The following INO80 variants were observed in gnomAD, a reference collection of about 807,000 sequenced individuals.
The protein encoded by INO80 is INO80 complex ATPase subunit, also known as chromatin-remodeling ATPase INO80.
Under a neutral mutation model 203.4 loss-of-function variants are expected in INO80, and 20 were observed. That is an observed-to-expected ratio of 0.10 (90% CI 0.07 to 0.14). INO80 has a LOEUF of 0.14. Ranked by LOEUF, INO80 falls within the 10% of genes least tolerant of loss-of-function variation. The pLI is 1.00. For missense variants in INO80, 1,419 were observed against 1,914.4 expected (o/e 0.74, Z 4.83); for synonymous variants, 726 against 685.2 (o/e 1.06, Z -0.93).
At position 40,979,084 on chromosome 15, in the gene INO80, T is replaced by G. The variant is rs1893710455; in HGVS notation, c.*1139A>C. On this transcript the variant is annotated 3_prime_UTR_variant, in exon 36 of 36. Transcript: ENST00000648947. ...GTTTGAGCAGGGGAATCTTAATGAT[T>G]TAAATTAAATGATTCCCCTATACCC... is the stretch of plus-strand genomic sequence containing the variant. 6.6e-6 allele frequency: 1 copy of G among 152,552 alleles called. No homozygotes were observed. Among genetic ancestry groups the G allele is most frequent in the African/African-American group, 2.4e-5 (1 of 41,428 alleles). 9.4% of individuals were successfully genotyped at this position (152,552 alleles called of 1,614,324 possible). A position where few individuals can be genotyped will look rare whatever the true frequency, so the allele number is the denominator to read the frequency against.
intron 1 of INO80, among the ~76,000 whole-genome samples, chr15:41,107,708 G>T (rs1242868633): frequency 6.6e-6 from 1 of 152,134 alleles, no homozygotes; most frequent in Non-Finnish European, 1.5e-5. Flanking sequence ...GCTAAGACAG[G>T]AGAATTGCTT....
At chr15:41,105,883 T>C (rs890505883) in intron 1 of INO80, among the ~76,000 whole-genome samples, 1 of 152,200 alleles carries the variant, frequency 6.6e-6, no homozygotes, top group Non-Finnish European at 1.5e-5. Flanking sequence ...GTTCATCTTA[T>C]GTATATTTCC....
At chr15:40,985,253 G>A (rs1255102257) in intron 32 of INO80, 85 bp downstream of exon 32, 3 of 910,656 alleles carry the variant, frequency 3.3e-6, no homozygotes, top group African/African-American at 3.3e-5. Flanking sequence ...CAGTAACCAA[G>A]ATGAGAAGCC....
In INO80 at chr15:40,979,619, T is replaced by C. The variant is rs1172015615; in HGVS notation, c.*604A>G. ...AACCATGCAGGATGGGAGGAATTGC[T>C]GGGAACACAACTGCCTGTGGATAGA... On this transcript the variant is annotated 3_prime_UTR_variant, in exon 36 of 36. Coordinates refer to ENST00000648947, the MANE Select transcript of INO80 (RefSeq NM_017553.3). The C allele has an allele frequency of 1.3e-5, 2 of 155,268 alleles. No homozygotes were observed. The highest frequency in any genetic ancestry group is 4.8e-5 in the African/African-American group (2 of 41,458). The allele number at this position is 155,268 out of a possible 1,614,324, so 9.6% of individuals were successfully genotyped here. A position where few individuals can be genotyped will look rare whatever the true frequency, so the allele number is the denominator to read the frequency against.
intron 8 of INO80, among the ~76,000 whole-genome samples, 180 bp downstream of exon 8, chr15:41,080,840 C>G (rs2045474763): frequency 6.6e-6 from 1 of 152,042 alleles, no homozygotes; most frequent in African/African-American, 2.4e-5. Context: ...GTGGCTGAGA[C>G]TCTGTCTCAA....
At chr15:41,089,199 AAAAT>A (rs968916157) in intron 5 of INO80, among the ~76,000 whole-genome samples, 1 of 152,142 alleles carries the variant, frequency 6.6e-6, no homozygotes, top group Non-Finnish European at 1.5e-5. Flanking sequence ...AAATAAAACA[AAAAT>A]AAATAAAAAA....
At chr15:41,047,030 T>C (rs1389811264) in intron 23 of INO80, among the ~76,000 whole-genome samples, 1 of 150,742 alleles carries the variant, frequency 6.6e-6, no homozygotes, top group Non-Finnish European at 1.5e-5. Context: ...TGCAATGGCA[T>C]GATCTCAGCT....
At chr15:41,094,058 T>A (rs536683534) in intron 4 of INO80, among the ~76,000 whole-genome samples, 1 of 152,184 alleles carries the variant, frequency 6.6e-6, no homozygotes, top group Non-Finnish European at 1.5e-5. Context: ...TGCTTTTGAG[T>A]ACTTCATAGC....
chr15:41,054,150 C>G (rs749282202), intron 18 of INO80, 136 bp from the exon 19 acceptor site: 12 of 643,500 alleles, frequency 1.9e-5, no homozygotes, highest in Non-Finnish European at 2.6e-5. Flanking sequence ...CAGACTGAAA[C>G]TTTTTCCCAA....
chr15:40,984,180 T>A lies in INO80; in HGVS notation c.4077+17A>T, dbSNP rs1218695464. ...ACTCCTTACGGCTGTGATGCAGGCATCTAAAAGGAGCCTCACCTCACTGAA... is the reference window on the plus strand; with the variant it reads ...ACTCCTTACGGCTGTGATGCAGGCAACTAAAAGGAGCCTCACCTCACTGAA... On this transcript the variant is annotated intron_variant, in intron 33 of 35. Transcript: ENST00000648947. The A allele has an allele frequency of 6.2e-7, 1 of 1,611,706 alleles. No individual in the cohort carries two copies. Among genetic ancestry groups the A allele is most frequent in the Non-Finnish European group, 8.5e-7 (1 of 1,178,618 alleles).
intron 35 of INO80, among the ~76,000 whole-genome samples, chr15:40,981,844 C>G (rs1158969496): frequency 1.3e-5 from 2 of 152,248 alleles, no homozygotes; most frequent in Non-Finnish European, 2.9e-5. Context: ...ACAACCTTGA[C>G]TCCTACTGCT....
chr15:41,098,775 G>GT (rs2045762080), intron 1 of INO80, among the ~76,000 whole-genome samples: 1 of 152,118 alleles, frequency 6.6e-6, no homozygotes, highest in Admixed American at 6.6e-5. Flanking sequence ...TTGTTTGTCA[G>GT]TGTGTACACA....
rs368535813 is a variant in INO80 at position 41,051,128 on chromosome 15, C to CAAAAAAA, written c.2275-1033_2275-1027dup. Among the ~76,000 whole-genome samples, 111 of 78,504 alleles carry CAAAAAAA rather than the reference C, an allele frequency of 1.4e-3. 3 individuals carry two copies. The highest frequency in any genetic ancestry group is 8.5e-3 in the Middle Eastern group (1 of 118). The allele number at this position is 78,504 out of a possible 152,430, so 51.5% of individuals were successfully genotyped here. A position where few individuals can be genotyped will look rare whatever the true frequency, so the allele number is the denominator to read the frequency against. ...TGGGTGACAGAATGAGACTCCATCT[C>CAAAAAAA]AAAAAAAAAAAAAAAGAAAGTTCTC... On this transcript the variant is annotated intron_variant, in intron 19 of 35. Transcript: ENST00000648947.
Position 40,983,915 on chromosome 15 carries a change from T to C in INO80, c.4084A>G (p.Ile1362Val), listed in dbSNP as rs1302155061. 1 of 1,613,484 alleles carries C rather than the reference T, an allele frequency of 6.2e-7. No individual in the cohort carries two copies. The change falls in exon 34 of 36, where the codon ATC (isoleucine) becomes GTC (valine). Residue 1362 changes from isoleucine to valine, a missense_variant. Physicochemically the swap from Ile to Val is conservative, Grantham distance 29 (BLOSUM62 3). This residue lies in a region of INO80 where 214 missense variants were observed against 248.9 expected (regional missense o/e 0.86). Transcript: ENST00000648947. ...AMPSPFSEIS[I>V]SSELHTGSIP... ...GAGCCAGTGTGCAGCTCACTGCTGA[T>C]GGAGATCTAGAAGAGGAAGGGTTAA...
intron 27 of INO80, among the ~76,000 whole-genome samples, chr15:41,006,269 T>C (rs2140439864): frequency 6.6e-6 from 1 of 152,290 alleles, no homozygotes; most frequent in South Asian, 2.1e-4. Flanking sequence ...CTTTTAAGAA[T>C]GAAGAGACTC....
At chr15:41,040,081 C>T (rs2044644411) in intron 24 of INO80, among the ~76,000 whole-genome samples, 1 of 151,980 alleles carries the variant, frequency 6.6e-6, no homozygotes, top group Non-Finnish European at 1.5e-5. Context: ...CACGGGCTCA[C>T]AACTGTGATC....
intron 23 of INO80, among the ~76,000 whole-genome samples, chr15:41,046,238 T>C (rs1173884385): frequency 3.4e-5 from 1 of 29,794 alleles, no homozygotes; most frequent in African/African-American, 6.3e-5. Flanking sequence ...TATATATATA[T>C]ATATATATAT....
At chr15:41,036,178 A>ACCC (rs1209586728) in intron 24 of INO80, among the ~76,000 whole-genome samples, 3 of 150,314 alleles carry the variant, frequency 2.0e-5, no homozygotes, top group Non-Finnish European at 4.4e-5. Context: ...AAAAAAAAAA[A>ACCC]AAAAAAACCC....
At chr15:41,105,152 G>C (rs1383580873) in intron 1 of INO80, among the ~76,000 whole-genome samples, 2 of 152,174 alleles carry the variant, frequency 1.3e-5, no homozygotes, top group Non-Finnish European at 2.9e-5. Flanking sequence ...AAGAGCAAAT[G>C]TAACTACTTT....
Sources: gnomAD v4.1 joint callset for allele counts (sites outside exome capture counted in the v4.1 genomes callset) on GRCh38, gnomAD v4.1.1 for gene constraint, gnomAD v4.1.1 regional missense constraint, MANE v1.5 for transcripts, NCBI Gene and HGNC (gene_info 2026-07-23, HGNC 2026-07-21) for gene names.